KCNMB2: variants seen among roughly 807,000 people sequenced by gnomAD.
The protein encoded by KCNMB2 is calcium-activated potassium channel subunit beta-2.
In KCNMB2, 9 loss-of-function variants were observed where a neutral mutation model predicts 24.5. That is an observed-to-expected ratio of 0.37 (90% CI 0.22 to 0.64). KCNMB2 has a LOEUF of 0.64. Ranked by LOEUF, KCNMB2 falls within the 30% of genes least tolerant of loss-of-function variation. The probability of loss-of-function intolerance (pLI) is 0.63; values close to 1 mark genes in which losing one functional copy is unlikely to be tolerated. For synonymous variants in KCNMB2, 109 were observed against 104.4 expected (o/e 1.04, Z -0.27); for missense variants, 226 against 284.3 (o/e 0.79, Z 1.47).
chr3:178,668,805 CTTT>C lies in KCNMB2; in HGVS notation c.-68+132095_-68+132097del, dbSNP rs1720803876. On this transcript the variant is annotated intron_variant, in intron 1 of 4. Coordinates refer to ENST00000452583, the MANE Select transcript of KCNMB2 (RefSeq NM_181361.3). The stretch of plus-strand genomic sequence containing the variant: ...ACTGCAATTGTCCATATCTTCTGTT[CTTT>C]AATAGCAAGTGATTATAACATTAAA... Among the ~76,000 whole-genome samples the C allele has an allele frequency of 3.3e-5, 5 of 152,088 alleles. No individual in the cohort carries two copies. In the South Asian group the frequency reaches 1.0e-3, roughly 31 times the overall value.
chr3:178,836,980 ATC>A (rs1715257331), intron 4 of KCNMB2, among the ~76,000 whole-genome samples: 1 of 152,188 alleles, frequency 6.6e-6, no homozygotes, highest in South Asian at 2.1e-4. Context: ...AGATAACTAA[ATC>A]TTCACTCTAA....
intron 1 of KCNMB2, among the ~76,000 whole-genome samples, chr3:178,761,610 A>C (rs1347231858): frequency 6.6e-6 from 1 of 152,176 alleles, no homozygotes; most frequent in Non-Finnish European, 1.5e-5. Flanking sequence ...CTGATCAGCT[A>C]AAGCAAATCC....
chr3:178,579,131 A>T (rs372380243), intron 1 of KCNMB2, among the ~76,000 whole-genome samples: 1 of 152,200 alleles, frequency 6.6e-6, no homozygotes, highest in East Asian at 1.9e-4. Flanking sequence ...GAAGTAAAAC[A>T]CTCCTCAGCA....
chr3:178,597,577 T>G (rs1467905572), intron 1 of KCNMB2, among the ~76,000 whole-genome samples: 1 of 152,152 alleles, frequency 6.6e-6, no homozygotes, highest in Admixed American at 6.6e-5. Context: ...AAAGCATGAA[T>G]GGGAACAAAG....
At chr3:178,624,471 C>G (rs1719033085) in intron 1 of KCNMB2, among the ~76,000 whole-genome samples, 2 of 152,020 alleles carry the variant, frequency 1.3e-5, no homozygotes, top group African/African-American at 2.4e-5. Flanking sequence ...TTCCAACATA[C>G]TTGTTGAGAC....
intron 1 of KCNMB2, among the ~76,000 whole-genome samples, chr3:178,629,430 C>T (rs1323119726): frequency 3.9e-5 from 6 of 151,992 alleles, no homozygotes; most frequent in Admixed American, 1.3e-4. Context: ...AAGTCTGAGG[C>T]GCTGGGTAAA....
chr3:178,825,561 G>GTAT (rs757938822), intron 2 of KCNMB2, 27 bp from the exon 3 acceptor site: 150 of 1,594,682 alleles, frequency 9.4e-5, no homozygotes, highest in Non-Finnish European at 1.2e-4. Context: ...TAAACTTAAT[G>GTAT]TAAGACCATA....
intron 1 of KCNMB2, among the ~76,000 whole-genome samples, chr3:178,791,779 T>C (rs1184311795): frequency 6.6e-6 from 1 of 151,102 alleles, no homozygotes; most frequent in African/African-American, 2.4e-5. Flanking sequence ...CCAGTATGTC[T>C]GGCAGCAGAC....
intron 4 of KCNMB2, among the ~76,000 whole-genome samples, chr3:178,831,255 A>G (rs1045734677): frequency 6.6e-6 from 1 of 152,140 alleles, no homozygotes; most frequent in Admixed American, 6.6e-5. Context: ...TTTTAAAGTC[A>G]AAAAATAACA....
intron 1 of KCNMB2, among the ~76,000 whole-genome samples, chr3:178,547,241 C>T (rs1560104804): frequency 6.6e-6 from 1 of 152,156 alleles, no homozygotes; most frequent in Non-Finnish European, 1.5e-5. Flanking sequence ...TGACCTTGAA[C>T]TTCCCAGCCT....
chr3:178,738,601 T>C (rs1476456598), intron 1 of KCNMB2, among the ~76,000 whole-genome samples: 1 of 152,134 alleles, frequency 6.6e-6, no homozygotes, highest in African/African-American at 2.4e-5. Context: ...ATATCTTCTT[T>C]CCTCTGCCTG....
intron 1 of KCNMB2, among the ~76,000 whole-genome samples, chr3:178,627,170 A>G (rs1231043540): frequency 6.6e-6 from 1 of 152,164 alleles, no homozygotes; most frequent in Non-Finnish European, 1.5e-5. Flanking sequence ...TAAAAGTCTA[A>G]ACTTCTGAAG....
intron 4 of KCNMB2, among the ~76,000 whole-genome samples, chr3:178,840,142 T>A (rs1715375024): frequency 6.6e-6 from 1 of 152,164 alleles, no homozygotes; most frequent in Non-Finnish European, 1.5e-5. Context: ...ACAGGCCCCA[T>A]ACAAGTCCAA....
At chr3:178,618,564 C>T (rs1296662535) in intron 1 of KCNMB2, among the ~76,000 whole-genome samples, 2 of 152,216 alleles carry the variant, frequency 1.3e-5, no homozygotes, top group East Asian at 1.9e-4. Flanking sequence ...TCACTTACAA[C>T]TCAAAAGTGA....
intron 1 of KCNMB2, among the ~76,000 whole-genome samples, chr3:178,641,904 A>C (rs1024131965): frequency 6.6e-6 from 1 of 152,092 alleles, no homozygotes; most frequent in Admixed American, 6.6e-5. Context: ...TTTAACTTTT[A>C]TATTTCATCT....
In KCNMB2 at chr3:178,842,756, C is replaced by T; in HGVS notation, c.527C>T (p.Ser176Phe). 6.2e-7 allele frequency: 1 copy of T among 1,613,666 alleles called. No homozygotes were observed. Among genetic ancestry groups the T allele is most frequent in the Non-Finnish European group, 8.5e-7 (1 of 1,179,566 alleles). The change falls in exon 5 of 5, where the codon TCT becomes TTT. Residue 176 changes from serine to phenylalanine, a missense_variant. Transcript: ENST00000452583. ...AAGTATCAACACTTCTCCTGCTATTCTGACCCAGAAGGAAACCAGAAGAGT... is the reference window on the plus strand; with the variant it reads ...AAGTATCAACACTTCTCCTGCTATTTTGACCCAGAAGGAAACCAGAAGAGT... Reference protein sequence around the residue: ...FRKYQHFSCYSDPEGNQKSVI... With the variant: ...FRKYQHFSCYFDPEGNQKSVI...
intron 1 of KCNMB2, among the ~76,000 whole-genome samples, chr3:178,653,854 T>C (rs2108562722): frequency 6.6e-6 from 1 of 152,262 alleles, no homozygotes; most frequent in Non-Finnish European, 1.5e-5. Context: ...GCCTATAATT[T>C]TCATATGTGT....
chr3:178,594,972 T>C (rs1717813020), intron 1 of KCNMB2, among the ~76,000 whole-genome samples: 2 of 148,860 alleles, frequency 1.3e-5, no homozygotes, highest in Non-Finnish European at 3.0e-5. Flanking sequence ...ATGAGGCTAA[T>C]ATAGACATGG....
chr3:178,692,550 T>C (rs1419545792), intron 1 of KCNMB2, among the ~76,000 whole-genome samples: 1 of 152,228 alleles, frequency 6.6e-6, no homozygotes, highest in Non-Finnish European at 1.5e-5. Context: ...GATAAGATAG[T>C]TGTAGGTGTG....
Sources: gnomAD v4.1 joint callset for allele counts (sites outside exome capture counted in the v4.1 genomes callset) on GRCh38, gnomAD v4.1.1 for gene constraint, MANE v1.5 for transcripts, NCBI Gene and HGNC (gene_info 2026-07-23, HGNC 2026-07-21) for gene names.